CDKAL1: variants seen among roughly 807,000 people sequenced by gnomAD.
The protein encoded by CDKAL1 is threonylcarbamoyladenosine tRNA methylthiotransferase.
A neutral mutation model predicts 68.2 loss-of-function variants in CDKAL1; 32 were observed. The ratio of observed to expected loss-of-function variants is 0.47; its 90% CI spans 0.35 to 0.63. CDKAL1 has a LOEUF of 0.63. Ranked by LOEUF, CDKAL1 falls within the 30% of genes least tolerant of loss-of-function variation. The pLI is 0.00. For synonymous variants in CDKAL1, 234 were observed against 244.3 expected (o/e 0.96, Z 0.39); for missense variants, 606 against 696.7 (o/e 0.87, Z 1.47).
chr6:20,773,045 ACT>A (rs1333477430), intron 7 of CDKAL1: 1 of 151,980 alleles, frequency 6.6e-6, no homozygotes, highest in African/African-American at 2.4e-5. Context: ...TCATTAACAA[ACT>A]CTTCATACTT....
chr6:21,006,304 A>G (rs1767725013), intron 11 of CDKAL1, among the ~76,000 whole-genome samples: 1 of 152,188 alleles, frequency 6.6e-6, no homozygotes, highest in African/African-American at 2.4e-5. Context: ...ATAAATGCAA[A>G]AGAAAAAAAA....
chr6:21,217,919 A>G (rs1779401333), intron 15 of CDKAL1, among the ~76,000 whole-genome samples: 1 of 152,218 alleles, frequency 6.6e-6, no homozygotes, highest in South Asian at 2.1e-4. Context: ...CACTGTGCCC[A>G]GCTGGGATTT....
chr6:20,888,433 A>G (rs1240930323), intron 9 of CDKAL1, among the ~76,000 whole-genome samples: 1 of 146,956 alleles, frequency 6.8e-6, no homozygotes, highest in South Asian at 2.2e-4. Flanking sequence ...GGTTTGTTAC[A>G]TATGTATACA....
At chr6:21,097,374 A>G (rs1441600668) in intron 12 of CDKAL1, among the ~76,000 whole-genome samples, 1 of 152,162 alleles carries the variant, frequency 6.6e-6, no homozygotes, top group Non-Finnish European at 1.5e-5. Flanking sequence ...GGAGGCTGAC[A>G]GGAGAATTGC....
At chr6:20,969,940 T>C (rs2150752320) in intron 10 of CDKAL1, among the ~76,000 whole-genome samples, 1 of 152,018 alleles carries the variant, frequency 6.6e-6, no homozygotes, top group Admixed American at 6.6e-5. Flanking sequence ...TCCCTGCCTT[T>C]TTTTTTTTTT....
intron 12 of CDKAL1, among the ~76,000 whole-genome samples, chr6:21,073,521 C>T (rs1412705507): frequency 2.0e-5 from 3 of 152,154 alleles, no homozygotes; most frequent in Non-Finnish European, 2.9e-5. Flanking sequence ...GTATTGTCAG[C>T]ATTTTGGATT....
intron 9 of CDKAL1, among the ~76,000 whole-genome samples, chr6:20,898,056 T>A (rs1761784049): frequency 6.6e-6 from 1 of 152,186 alleles, no homozygotes; most frequent in South Asian, 2.1e-4. Flanking sequence ...AACAGATCTT[T>A]ACTCATTTAC....
intron 11 of CDKAL1, among the ~76,000 whole-genome samples, chr6:21,007,993 T>A (rs939572637): frequency 6.6e-6 from 1 of 152,152 alleles, no homozygotes; most frequent in Non-Finnish European, 1.5e-5. Flanking sequence ...GAAGAGAAGA[T>A]GAGGAAGGCA....
At chr6:20,845,322 T>C (rs1778337744) in intron 8 of CDKAL1, among the ~76,000 whole-genome samples, 2 of 152,180 alleles carry the variant, frequency 1.3e-5, no homozygotes, top group Admixed American at 1.3e-4. Context: ...TAACTGTGTC[T>C]TTTATTTTGT....
At chr6:21,147,476 G>A (rs975821532) in intron 13 of CDKAL1, among the ~76,000 whole-genome samples, 3 of 152,154 alleles carry the variant, frequency 2.0e-5, no homozygotes, top group African/African-American at 7.2e-5. Context: ...GAAATAATAA[G>A]AATAACAAAT....
intron 5 of CDKAL1, among the ~76,000 whole-genome samples, chr6:20,725,448 C>G (rs1772599552): frequency 6.6e-6 from 1 of 152,170 alleles, no homozygotes; most frequent in Non-Finnish European, 1.5e-5. Flanking sequence ...GGTCTGACTT[C>G]CGTAAGCCTC....
chr6:21,136,825 T>G (rs1775627513), intron 13 of CDKAL1, among the ~76,000 whole-genome samples: 1 of 152,232 alleles, frequency 6.6e-6, no homozygotes, highest in African/African-American at 2.4e-5. Flanking sequence ...AAATAACTTG[T>G]CCAGTGCTTT....
At chr6:20,988,182 A>ATATGTGTG (rs3223730) in intron 10 of CDKAL1, among the ~76,000 whole-genome samples, 1 of 137,388 alleles carries the variant, frequency 7.3e-6, no homozygotes, top group Non-Finnish European at 1.6e-5. Context: ...GAAACATAAT[A>ATATGTGTG]TGTGTGTGTG....
At chr6:20,865,216 A>G (rs576161668) in intron 9 of CDKAL1, among the ~76,000 whole-genome samples, 1 of 152,316 alleles carries the variant, frequency 6.6e-6, no homozygotes, top group African/African-American at 2.4e-5. Context: ...ACTTTGCACT[A>G]TAGCATGCTG....
intron 5 of CDKAL1, among the ~76,000 whole-genome samples, chr6:20,720,761 A>G (rs1356265995): frequency 1.3e-5 from 2 of 152,042 alleles, no homozygotes; most frequent in East Asian, 3.9e-4. Flanking sequence ...CTGCCTCCCA[A>G]AGTGCTAGAT....
intron 2 of CDKAL1, among the ~76,000 whole-genome samples, chr6:20,537,304 T>A (rs1188540378): frequency 1.3e-5 from 2 of 152,098 alleles, no homozygotes; most frequent in African/African-American, 2.4e-5. Flanking sequence ...ACCTGGAGAT[T>A]TGATATGATG....
At chr6:20,925,064 C>T (rs554370764) in intron 9 of CDKAL1, among the ~76,000 whole-genome samples, 1 of 152,334 alleles carries the variant, frequency 6.6e-6, no homozygotes, top group Non-Finnish European at 1.5e-5. Flanking sequence ...ATACAGCAAA[C>T]TTTATTGCTG....
Position 20,706,737 on chromosome 6 carries a change from G to A in CDKAL1, c.372-32782G>A, listed in dbSNP as rs371862333. On this transcript the variant is annotated intron_variant, in intron 5 of 15. Coordinates refer to ENST00000274695, the MANE Select transcript of CDKAL1 (RefSeq NM_017774.3). ...CTGTTTCACCTGCTGCTCTCTTTAT[G>A]ATGTGAAGTGATGAGTCACATGAGT... Among the ~76,000 whole-genome samples the A allele has an allele frequency of 1.4e-4, 22 of 152,292 alleles. No homozygotes were observed. The East Asian group carries it at 2.3e-3, about 16-fold the overall frequency.
chr6:20,889,977 C>A (rs960055131), intron 9 of CDKAL1, among the ~76,000 whole-genome samples: 1 of 152,112 alleles, frequency 6.6e-6, no homozygotes, highest in Non-Finnish European at 1.5e-5. Context: ...TGGTCTCACA[C>A]CCCTGGGCTC....
Sources: gnomAD v4.1 joint callset for allele counts (sites outside exome capture counted in the v4.1 genomes callset) on GRCh38, gnomAD v4.1.1 for gene constraint, MANE v1.5 for transcripts, NCBI Gene and HGNC (gene_info 2026-07-23, HGNC 2026-07-21) for gene names.